DLC1: variants seen among roughly 807,000 people sequenced by gnomAD.
DLC1 encodes the protein rho GTPase-activating protein 7.
A neutral mutation model predicts 140.3 loss-of-function variants in DLC1; 54 were observed. The observed-to-expected ratio is 0.38, with a 90% CI of 0.31 to 0.48. The LOEUF (loss-of-function observed/expected upper bound fraction) is 0.48. DLC1 is among the 20% of genes least tolerant of loss of function. The pLI is 0.96. For missense variants in DLC1, 2,536 were observed against 1,907.0 expected (o/e 1.33, Z -6.14); for synonymous variants, 986 against 728.1 (o/e 1.35, Z -5.70).
chr8:13,164,025 G>A (rs932134512), intron 5 of DLC1, among the ~76,000 whole-genome samples: 1 of 151,986 alleles, frequency 6.6e-6, no homozygotes, highest in Non-Finnish European at 1.5e-5. Flanking sequence ...AGCCGGGCGT[G>A]GTGGCTCACA....
At chr8:13,520,604 C>A (rs1331611600) in intron 1 of DLC1, among the ~76,000 whole-genome samples, 3 of 151,868 alleles carry the variant, frequency 2.0e-5, no homozygotes, top group Non-Finnish European at 4.4e-5. Context: ...AAATGTAACC[C>A]AGAACTTAAA....
At chr8:13,286,449 C>G (rs1043455923) in intron 5 of DLC1, among the ~76,000 whole-genome samples, 1 of 152,008 alleles carries the variant, frequency 6.6e-6, no homozygotes, top group Non-Finnish European at 1.5e-5. Context: ...GAAAGGGTCA[C>G]TTTATATGGA....
Position 13,099,444 on chromosome 8 carries a change from C to G in DLC1, c.2893G>C (p.Asp965His), listed in dbSNP as rs746654371. The change falls in exon 9 of 18, where the codon GAC (aspartate) becomes CAC (histidine). Residue 965 changes from aspartate (D) to histidine (H), a missense_variant. Transcript: ENST00000276297. The part of the protein sequence containing the change: ...DNDRTTPSDL[D>H]STGNSLNEPE... ...TCATTCAGGGAGTTGCCTGTGCTGT[C>G]CAGGTCGCTGGGTGTGGTTCGGTCG... 1.2e-6 allele frequency: 2 copies of G among 1,614,128 alleles called. No individual in the cohort carries two copies. Among genetic ancestry groups the G allele is most frequent in the South Asian group, 2.2e-5 (2 of 91,076 alleles).
intron 4 of DLC1, among the ~76,000 whole-genome samples, chr8:13,392,984 A>T (rs1431100293): frequency 1.3e-5 from 2 of 152,156 alleles, no homozygotes; most frequent in African/African-American, 4.8e-5. Context: ...TTTGATGTGG[A>T]TGTTTTATAT....
chr8:13,591,385 A>G (rs994314975), intron 1 of DLC1, among the ~76,000 whole-genome samples: 4 of 152,034 alleles, frequency 2.6e-5, no homozygotes, highest in African/African-American at 9.7e-5. Context: ...GTGAGTTATC[A>G]CGAGATCTGA....
At chr8:13,475,214 C>G (rs1294483935) in intron 2 of DLC1, among the ~76,000 whole-genome samples, 1 of 152,084 alleles carries the variant, frequency 6.6e-6, no homozygotes, top group Non-Finnish European at 1.5e-5. Flanking sequence ...TCTGTCATGC[C>G]TCAAACGTTT....
chr8:13,511,373 A>G (rs757490917), intron 1 of DLC1, among the ~76,000 whole-genome samples: 4 of 151,586 alleles, frequency 2.6e-5, no homozygotes, highest in Non-Finnish European at 5.9e-5. Flanking sequence ...GTTCATTTAT[A>G]TACTCTAATC....
At chr8:13,135,111 C>T (rs1822458663) in intron 5 of DLC1, among the ~76,000 whole-genome samples, 1 of 151,944 alleles carries the variant, frequency 6.6e-6, no homozygotes, top group Non-Finnish European at 1.5e-5. Flanking sequence ...GAGTGTGATT[C>T]AACGGGAGGC....
intron 2 of DLC1, among the ~76,000 whole-genome samples, chr8:13,407,571 T>A (rs147783174): frequency 6.6e-6 from 1 of 152,328 alleles, no homozygotes; most frequent in East Asian, 1.9e-4. Context: ...AAAAGTTTAG[T>A]AAAATACCCA....
intron 1 of DLC1, among the ~76,000 whole-genome samples, chr8:13,597,332 C>A (rs944768892): frequency 6.6e-6 from 1 of 152,012 alleles, no homozygotes; most frequent in African/African-American, 2.4e-5. Flanking sequence ...CTTCCAAAGA[C>A]GTGAACCGTA....
intron 5 of DLC1, among the ~76,000 whole-genome samples, chr8:13,286,316 G>A (rs990106855): frequency 7.9e-5 from 12 of 152,126 alleles, no homozygotes; most frequent in African/African-American, 2.9e-4. Flanking sequence ...TTTAAGGAAT[G>A]ATCACTGGCT....
intron 4 of DLC1, among the ~76,000 whole-genome samples, chr8:13,373,962 A>G (rs1468937193): frequency 6.6e-6 from 1 of 152,208 alleles, no homozygotes; most frequent in African/African-American, 2.4e-5. Flanking sequence ...CATAATTTCC[A>G]GATTTGCAAA....
chr8:13,168,782 C>T (rs1825270470), intron 5 of DLC1, among the ~76,000 whole-genome samples: 2 of 152,196 alleles, frequency 1.3e-5, no homozygotes, highest in Non-Finnish European at 2.9e-5. Context: ...ATCTGTCAAA[C>T]GGACACACGG....
At position 13,370,783 on chromosome 8, in the gene DLC1, T is replaced by C. The variant is rs560501000; in HGVS notation, c.1314+22770A>G. Among the ~76,000 whole-genome samples, 3 of 152,312 alleles carry C rather than the reference T, an allele frequency of 2.0e-5. No individual in the cohort carries two copies. In the East Asian group the frequency reaches 5.8e-4, roughly 29 times the overall value. On this transcript the variant is annotated intron_variant, in intron 4 of 17. Coordinates refer to ENST00000276297, the MANE Select transcript of DLC1 (RefSeq NM_182643.3). The stretch of plus-strand genomic sequence containing the variant: ...TACAGCATCCCAAGCCTCATATTCT[T>C]GTTGCTCTAAATCCAATGCAAGGGA...
intron 1 of DLC1, among the ~76,000 whole-genome samples, chr8:13,521,435 G>A (rs1344176299): frequency 6.6e-6 from 1 of 151,850 alleles, no homozygotes; most frequent in Non-Finnish European, 1.5e-5. Context: ...CCCTTGCCAT[G>A]GTTGGCTTAG....
At chr8:13,552,127 ATATATATATATATATC>A (rs1803885719) in intron 1 of DLC1, among the ~76,000 whole-genome samples, 1 of 130,818 alleles carries the variant, frequency 7.6e-6, no homozygotes, top group Admixed American at 7.9e-5. Flanking sequence ...ATATATATAT[ATATATATATATATATC>A]TGTCTAGAGG....
chr8:13,265,049 G>A (rs1830627057), intron 5 of DLC1, among the ~76,000 whole-genome samples: 1 of 152,174 alleles, frequency 6.6e-6, no homozygotes, highest in South Asian at 2.1e-4. Flanking sequence ...AGCTCAATTT[G>A]TACAAGGGTA....
chr8:13,421,016 G>C (rs1021237468), intron 2 of DLC1, among the ~76,000 whole-genome samples: 1 of 151,926 alleles, frequency 6.6e-6, no homozygotes, highest in Non-Finnish European at 1.5e-5. Context: ...GGGTCTCTCC[G>C]GTATGGACTG....
rs1425475420 is a variant in DLC1 at position 13,406,122 on chromosome 8, T to C, written c.1024-4503A>G. Among the ~76,000 whole-genome samples the C allele has an allele frequency of 1.3e-4, 19 of 148,050 alleles. No individual in the cohort carries two copies. In the Admixed American group the frequency reaches 1.3e-3, roughly 10 times the overall value. ...CCCAGGTTCAAGCGATTCTCCTGCC[T>C]CAGCCTCCCGAGTAGCTGGGATTAT... On this transcript the variant is annotated intron_variant, in intron 2 of 17. Coordinates refer to ENST00000276297, the MANE Select transcript of DLC1 (RefSeq NM_182643.3).
Sources: gnomAD v4.1 joint callset for allele counts (sites outside exome capture counted in the v4.1 genomes callset) on GRCh38, gnomAD v4.1.1 for gene constraint, MANE v1.5 for transcripts, NCBI Gene and HGNC (gene_info 2026-07-23, HGNC 2026-07-21) for gene names.